The following UBOX5 variants were observed in gnomAD, a reference collection of about 807,000 sequenced individuals.
UBOX5 encodes RING finger protein 37.
A neutral mutation model predicts 39.0 loss-of-function variants in UBOX5; 28 were observed. The observed-to-expected ratio is 0.72, with a 90% CI of 0.53 to 0.98. The LOEUF (loss-of-function observed/expected upper bound fraction) is 0.98, where lower values mean the gene tolerates loss of function less well. Ranked by LOEUF, UBOX5 falls within the 50% of genes least tolerant of loss-of-function variation. The pLI is 0.00. For missense variants in UBOX5, 585 were observed against 674.4 expected (o/e 0.87, Z 1.47); for synonymous variants, 283 against 275.5 (o/e 1.03, Z -0.27).
Position 3,121,943 on chromosome 20 carries a change from AC to A in UBOX5, c.695del (p.Ser232MetfsTer79), listed in dbSNP as rs755097321. The A allele has an allele frequency of 1.9e-6, 3 of 1,613,826 alleles. No individual in the cohort carries two copies. In the South Asian group the frequency reaches 3.3e-5, roughly 18 times the overall value. ...CAGGCTGGTCCCCAGGGTCACAGTC[AC>A]TTTCCATGGGCAAGGCTGGAGCCTG... ...ALQAPALPME[S>X]DCDPGDQPES... On this transcript the variant is annotated frameshift_variant, in exon 3 of 5. Transcript: ENST00000217173. LOFTEE classifies it high-confidence loss of function.
chr20:3,153,238 C>T (rs977689849), intron 1 of UBOX5, among the ~76,000 whole-genome samples: 2 of 152,218 alleles, frequency 1.3e-5, no homozygotes, highest in East Asian at 1.9e-4. Context: ...TCTCCTAGAA[C>T]ATCAATGTTT....
intron 1 of UBOX5, among the ~76,000 whole-genome samples, chr20:3,141,194 T>C (rs528933159): frequency 1.3e-5 from 2 of 152,022 alleles, no homozygotes; most frequent in Non-Finnish European, 2.9e-5. Flanking sequence ...GCTGGGATTA[T>C]AGATGTAAGC....
intron 1 of UBOX5, among the ~76,000 whole-genome samples, chr20:3,126,795 G>T (rs962043996): frequency 6.6e-6 from 1 of 151,958 alleles, no homozygotes; most frequent in Non-Finnish European, 1.5e-5. Flanking sequence ...CAGCACTTTG[G>T]GAGACAGAGG....
At position 3,109,122 on chromosome 20, in the gene UBOX5, AG is replaced by A. The variant is rs2066233363; in HGVS notation, c.*983del. On this transcript the variant is annotated 3_prime_UTR_variant, in exon 5 of 5. Coordinates refer to ENST00000217173, the MANE Select transcript of UBOX5 (RefSeq NM_014948.4). Reference sequence around the variant, plus strand: ...CTGTTCCTTCCCAAACGTGCTTAGAAGGGAACAGGGAAAGGCGGGTGTGTTT... The same window carrying A: ...CTGTTCCTTCCCAAACGTGCTTAGAAGGAACAGGGAAAGGCGGGTGTGTTT... 6.6e-6 allele frequency: 1 copy of A among 152,150 alleles called. No individual in the cohort carries two copies. The highest frequency in any genetic ancestry group is 6.6e-5 in the Admixed American group (1 of 15,266). The allele number at this position is 152,150 out of a possible 1,614,324, so 9.4% of individuals were successfully genotyped here. A position where few individuals can be genotyped will look rare whatever the true frequency, so the allele number is the denominator to read the frequency against.
chr20:3,119,514 T>A (rs2066318267), intron 3 of UBOX5, among the ~76,000 whole-genome samples: 1 of 152,200 alleles, frequency 6.6e-6, no homozygotes, highest in South Asian at 2.1e-4. Context: ...TTGGGGTAAT[T>A]TGTTACCTAG....
At chr20:3,126,624 A>T (rs2066391241) in intron 1 of UBOX5, among the ~76,000 whole-genome samples, 1 of 141,196 alleles carries the variant, frequency 7.1e-6, no homozygotes, top group African/African-American at 2.6e-5. Flanking sequence ...GGAGGGAGGG[A>T]GTGAAGGAGG....
chr20:3,144,584 G>A (rs1253879649), intron 1 of UBOX5, among the ~76,000 whole-genome samples: 1 of 152,162 alleles, frequency 6.6e-6, no homozygotes, highest in African/African-American at 2.4e-5. Context: ...TCTTAAATAT[G>A]ATACCAAAAG....
intron 1 of UBOX5, among the ~76,000 whole-genome samples, chr20:3,154,535 T>C (rs1486879691): frequency 6.6e-6 from 1 of 151,862 alleles, no homozygotes; most frequent in Admixed American, 6.6e-5. Context: ...ATTTAGAAAT[T>C]AGCCAAGCCT....
Position 3,121,558 on chromosome 20 carries a change from A to C in UBOX5, c.1081T>G (p.Ser361Ala), listed in dbSNP as rs776893316. The C allele has an allele frequency of 6.2e-7, 1 of 1,609,078 alleles. No homozygotes were observed. Among genetic ancestry groups the C allele is most frequent in the Admixed American group, 1.7e-5 (1 of 58,840 alleles). The change falls in exon 3 of 5, where the codon TCT (serine) becomes GCT (alanine). Residue 361 changes from serine to alanine, a missense_variant. Coordinates refer to ENST00000217173, the MANE Select transcript of UBOX5 (RefSeq NM_014948.4). ...GCCTGCTCTATCTTCCTTTTCTGAG[A>C]GGGCAGAACAATGGAAGAAGGGATC... is the stretch of plus-strand genomic sequence containing the variant. ...AVIPSSIVLPSQKRKIEQAEH... is the reference protein window; with the variant it reads ...AVIPSSIVLPAQKRKIEQAEH...
intron 1 of UBOX5, among the ~76,000 whole-genome samples, chr20:3,145,800 C>T (rs970445646): frequency 1.3e-5 from 2 of 151,836 alleles, no homozygotes; most frequent in African/African-American, 4.8e-5. Flanking sequence ...AATCCCAGCA[C>T]TTTGGGAGGC....
chr20:3,142,464 C>T (rs1055204293), intron 1 of UBOX5, among the ~76,000 whole-genome samples: 21 of 151,796 alleles, frequency 1.4e-4, no homozygotes, highest in South Asian at 4.2e-4. Flanking sequence ...ATCACCCAGG[C>T]GTAGTGGTGG....
intron 1 of UBOX5, among the ~76,000 whole-genome samples, chr20:3,137,412 G>A (rs2066480602): frequency 6.6e-6 from 1 of 151,966 alleles, no homozygotes; most frequent in Non-Finnish European, 1.5e-5. Flanking sequence ...GAGATTACAG[G>A]TGCCCGCCAC....
chr20:3,134,108 A>G (rs1413731543), intron 1 of UBOX5, among the ~76,000 whole-genome samples: 2 of 121,382 alleles, frequency 1.6e-5, no homozygotes, highest in Non-Finnish European at 3.7e-5. Context: ...ATAGGTATGC[A>G]TATATATATA....
Position 3,110,301 on chromosome 20 carries a change from G to A in UBOX5, c.1431C>T (p.Ser477=), listed in dbSNP as rs528094127. 3.5e-5 allele frequency: 56 copies of A among 1,614,094 alleles called. No individual in the cohort carries two copies. The East Asian group carries it at 1.1e-3, about 33-fold the overall frequency. The change falls in exon 5 of 5, where the codon AGC becomes AGT. Residue 477 remains serine, a synonymous_variant. Coordinates refer to ENST00000217173, the MANE Select transcript of UBOX5 (RefSeq NM_014948.4). ...RPGTGSEQPG[S]ILGPECASCK... ...AGGAGGCACATTCGGGGCCCAGGAT[G>A]CTCCCAGGCTGCTCTGGTAAATCAG...
chr20:3,133,167 TAAGA>T (rs2066443076), intron 1 of UBOX5, among the ~76,000 whole-genome samples: 1 of 152,190 alleles, frequency 6.6e-6, no homozygotes, highest in Admixed American at 6.5e-5. Flanking sequence ...TAGGATTCCG[TAAGA>T]ACCTGGTTGC....
At chr20:3,111,020 T>A (rs573572160) in intron 4 of UBOX5, among the ~76,000 whole-genome samples, 1 of 152,086 alleles carries the variant, frequency 6.6e-6, no homozygotes, top group Non-Finnish European at 1.5e-5. Context: ...GCAGCCCTGC[T>A]CCTGACTCCT....
intron 1 of UBOX5, among the ~76,000 whole-genome samples, chr20:3,128,599 C>T (rs964201003): frequency 3.9e-5 from 6 of 152,174 alleles, no homozygotes; most frequent in African/African-American, 1.4e-4. Context: ...GAGTGGCTCA[C>T]ACCTATAATC....
At chr20:3,152,215 T>C (rs2066635867) in intron 1 of UBOX5, among the ~76,000 whole-genome samples, 1 of 150,846 alleles carries the variant, frequency 6.6e-6, no homozygotes, top group Non-Finnish European at 1.5e-5. Context: ...GCACAGTGAC[T>C]CATGTCTGTA....
intron 1 of UBOX5, chr20:3,136,138 A>T (rs2066469717): frequency 6.6e-6 from 1 of 152,116 alleles, no homozygotes; most frequent in Admixed American, 6.5e-5. Flanking sequence ...CTTCCTGAAG[A>T]CATCAAAGAT....
Sources: allele counts gnomAD v4.1 joint callset (sites outside exome capture counted in the v4.1 genomes callset), GRCh38; gene constraint gnomAD v4.1.1; transcripts MANE v1.5; gene names NCBI Gene and HGNC (gene_info 2026-07-23, HGNC 2026-07-21).